FBXO42: variants seen among roughly 807,000 people sequenced by gnomAD.
The protein encoded by FBXO42 is F-box protein 42, also known as F-box only protein 42.
A neutral mutation model predicts 71.7 loss-of-function variants in FBXO42; 12 were observed. That is an observed-to-expected ratio of 0.17 (90% CI 0.11 to 0.27). The LOEUF (loss-of-function observed/expected upper bound fraction) is 0.27. FBXO42 is among the 10% of genes least tolerant of loss of function. The pLI, the probability that FBXO42 is intolerant of heterozygous loss-of-function variation, is 1.00. For missense variants in FBXO42, 707 were observed against 911.9 expected (o/e 0.78, Z 2.89); for synonymous variants, 325 against 327.5 (o/e 0.99, Z 0.08).
intron 4 of FBXO42, among the ~76,000 whole-genome samples, chr1:16,256,975 G>C (rs2081652941): frequency 3.3e-5 from 5 of 152,194 alleles, no homozygotes; most frequent in South Asian, 4.1e-4. Context: ...ATATGAGTTA[G>C]AGAAAAGTTA....
chr1:16,330,746 GC>G, intron 1 of FBXO42, among the ~76,000 whole-genome samples: 1 of 152,034 alleles, frequency 6.6e-6, no homozygotes. Context: ...TTTGAGACCA[GC>G]CCGGCCAACA....
Position 16,251,901 on chromosome 1 carries a change from A to G in FBXO42, c.1039-116T>C. On this transcript the variant is annotated intron_variant, in intron 9 of 9. Transcript: ENST00000375592. This position sits in a 1 kb window ranked among gnomAD's most constrained non-coding sequence, Gnocchi z 4.5. Reference sequence around the variant, plus strand: ...GCCAGACATTTTGTAGGTACCTGAGATATGAAGATGAAAATGATGTAGTCT... The same window carrying G: ...GCCAGACATTTTGTAGGTACCTGAGGTATGAAGATGAAAATGATGTAGTCT... 2.3e-6 allele frequency: 3 copies of G among 1,325,078 alleles called. No individual in the cohort carries two copies. Among genetic ancestry groups the G allele is most frequent in the Admixed American group, 4.9e-5 (2 of 40,504 alleles). The allele number at this position is 1,325,078 out of a possible 1,614,324, so 82.1% of individuals were successfully genotyped here. A position where few individuals can be genotyped will look rare whatever the true frequency, so the allele number is the denominator to read the frequency against.
At chr1:16,350,978 C>T (rs970740276) in intron 1 of FBXO42, among the ~76,000 whole-genome samples, 4 of 152,026 alleles carry the variant, frequency 2.6e-5, no homozygotes, top group African/African-American at 7.2e-5. Flanking sequence ...AGATTACACA[C>T]GTGAATACAC....
At chr1:16,272,086 C>T (rs1237517393) in intron 4 of FBXO42, among the ~76,000 whole-genome samples, 3 of 130,064 alleles carry the variant, frequency 2.3e-5, no homozygotes, top group Non-Finnish European at 4.7e-5. Flanking sequence ...ATCTGGGAGG[C>T]GGAGGTTGCA....
intron 3 of FBXO42, among the ~76,000 whole-genome samples, chr1:16,304,065 A>G (rs1257528229): frequency 6.6e-6 from 1 of 151,670 alleles, no homozygotes; most frequent in African/African-American, 2.4e-5. Flanking sequence ...TTGGCCTCCC[A>G]AAGTGCTGGG....
At chr1:16,305,718 A>C in intron 3 of FBXO42, 85 bp downstream of exon 3, 1 of 1,192,690 alleles carries the variant, frequency 8.4e-7, no homozygotes, top group South Asian at 1.2e-5. Context: ...TGTCTCAAAA[A>C]CAAACAAAAA....
intron 4 of FBXO42, chr1:16,293,488 G>C (rs1273251570): frequency 2.0e-5 from 3 of 152,234 alleles, no homozygotes; most frequent in Non-Finnish European, 4.4e-5. Context: ...GTGACAGGAA[G>C]TGGAAGAGAA....
At chr1:16,295,930 C>T (rs375189717) in intron 3 of FBXO42, among the ~76,000 whole-genome samples, 2 of 152,098 alleles carry the variant, frequency 1.3e-5, no homozygotes, top group South Asian at 2.1e-4. Context: ...CTGGTTGGAG[C>T]CGACTAGAAA....
At chr1:16,336,197 C>T (rs919380539) in intron 1 of FBXO42, among the ~76,000 whole-genome samples, 6 of 151,628 alleles carry the variant, frequency 4.0e-5, no homozygotes, top group Admixed American at 2.0e-4. Context: ...CTCAGCCTCC[C>T]GAAGTGTTGG....
chr1:16,294,210 T>A (rs2082106880), intron 4 of FBXO42: 1 of 152,424 alleles, frequency 6.6e-6, no homozygotes, highest in South Asian at 2.1e-4. Context: ...TTTTTATTTT[T>A]TCCCCCAGGA....
At chr1:16,281,287 G>A (rs2081960865) in intron 4 of FBXO42, among the ~76,000 whole-genome samples, 1 of 152,114 alleles carries the variant, frequency 6.6e-6, no homozygotes, top group Non-Finnish European at 1.5e-5. Context: ...GTAACATGGA[G>A]ATAATTATAG....
At chr1:16,313,993 G>A (rs374444390) in intron 2 of FBXO42, among the ~76,000 whole-genome samples, 4 of 152,238 alleles carry the variant, frequency 2.6e-5, no homozygotes, top group Non-Finnish European at 2.9e-5. Flanking sequence ...TTGCTCTGTC[G>A]CCCAGGCTGG....
chr1:16,343,143 A>G (rs1157632677), intron 1 of FBXO42, among the ~76,000 whole-genome samples: 1 of 152,250 alleles, frequency 6.6e-6, no homozygotes, highest in African/African-American at 2.4e-5. Context: ...TTCTGGTGTT[A>G]TAACACATAT....
chr1:16,305,298 G>A (rs931398301), intron 3 of FBXO42, among the ~76,000 whole-genome samples: 15 of 152,174 alleles, frequency 9.9e-5, no homozygotes, highest in African/African-American at 2.4e-5. Context: ...TGAGGCAGAA[G>A]GACTGCCTGA....
chr1:16,323,893 T>C (rs1329021105), intron 1 of FBXO42, among the ~76,000 whole-genome samples: 1 of 149,628 alleles, frequency 6.7e-6, no homozygotes, highest in East Asian at 2.0e-4. Context: ...GAACCCACAG[T>C]CATCCCACAG....
intron 3 of FBXO42, among the ~76,000 whole-genome samples, chr1:16,295,967 C>T: frequency 6.6e-6 from 1 of 152,106 alleles, no homozygotes; most frequent in East Asian, 1.9e-4. Flanking sequence ...TAAAAAACAC[C>T]AGGATCTCTA....
chr1:16,291,034 C>T (rs973644033), intron 4 of FBXO42, among the ~76,000 whole-genome samples: 4 of 152,190 alleles, frequency 2.6e-5, no homozygotes, highest in African/African-American at 9.7e-5. Flanking sequence ...AAAAGTGTTC[C>T]ACTCCTTGCT....
chr1:16,345,585 C>A (rs2082648250), intron 1 of FBXO42, among the ~76,000 whole-genome samples: 1 of 151,878 alleles, frequency 6.6e-6, no homozygotes, highest in Non-Finnish European at 1.5e-5. Context: ...CGCGGTGGCT[C>A]ACGCCTGTAA....
intron 3 of FBXO42, among the ~76,000 whole-genome samples, chr1:16,298,216 ACT>A (rs1290641186): frequency 6.6e-6 from 1 of 152,216 alleles, no homozygotes; most frequent in Non-Finnish European, 1.5e-5. Context: ...ATAGAGCAAG[ACT>A]CTGTCTCAAA....
Sources: allele counts gnomAD v4.1 joint callset (sites outside exome capture counted in the v4.1 genomes callset), GRCh38; gene constraint gnomAD v4.1.1; non-coding constraint Gnocchi (gnomAD v3.1); transcripts MANE v1.5; gene names NCBI Gene and HGNC (gene_info 2026-07-23, HGNC 2026-07-21).